The following ATXN2 variants were observed in gnomAD, a reference collection of about 807,000 sequenced individuals.
ATXN2 encodes ataxin-2.
ATXN2 carries 37 observed loss-of-function variants against 138.6 expected under a neutral mutation model. The ratio of observed to expected loss-of-function variants is 0.27; its 90% CI spans 0.21 to 0.35. The LOEUF (loss-of-function observed/expected upper bound fraction) is 0.35. Among genes scored for constraint, ATXN2 ranks in the 10% least tolerant of loss-of-function variants. The pLI is 1.00. For missense variants in ATXN2, 1,216 were observed against 1,480.3 expected (o/e 0.82, Z 2.93); for synonymous variants, 549 against 543.7 (o/e 1.01, Z -0.13).
chr12:111,517,565 C>T (rs140980941), intron 9 of ATXN2, among the ~76,000 whole-genome samples: 1 of 152,022 alleles, frequency 6.6e-6, no homozygotes, highest in Non-Finnish European at 1.5e-5. Flanking sequence ...GTTCAGTATC[C>T]CTGATTTATG....
intron 1 of ATXN2, among the ~76,000 whole-genome samples, chr12:111,566,356 C>A (rs1351232326): frequency 6.7e-6 from 1 of 149,744 alleles, no homozygotes; most frequent in Non-Finnish European, 1.5e-5. Flanking sequence ...TGCTTGAACC[C>A]GGGAGGCGGA....
At position 111,598,517 on chromosome 12, in the gene ATXN2, G is replaced by T. The variant is rs934552253; in HGVS notation, c.251+267C>A. 1.0e-6 allele frequency: 1 copy of T among 985,312 alleles called. No homozygotes were observed. The allele number at this position is 985,312 out of a possible 1,614,324, so 61.0% of individuals were successfully genotyped here. A position where few individuals can be genotyped will look rare whatever the true frequency, so the allele number is the denominator to read the frequency against. ...ACCCCTCCCAACACGCGTGGGGAGG[G>T]GAGGCCGCCCGCTCCCTCCATCTTG... is the stretch of plus-strand genomic sequence containing the variant. On this transcript the variant is annotated intron_variant, in intron 1 of 24. Coordinates refer to ENST00000673436, the MANE Select transcript of ATXN2 (RefSeq NM_001372574.1). The surrounding 1 kb of genome is among the most constrained non-coding windows in gnomAD (Gnocchi z 4.5).
intron 5 of ATXN2, among the ~76,000 whole-genome samples, chr12:111,535,984 A>G (rs1881145836): frequency 6.9e-6 from 1 of 145,870 alleles, no homozygotes; most frequent in African/African-American, 2.7e-5. Flanking sequence ...TGGGCGACAG[A>G]GCGAGACTCC....
chr12:111,593,600 A>G (rs1884786989), intron 1 of ATXN2, among the ~76,000 whole-genome samples: 1 of 148,464 alleles, frequency 6.7e-6, no homozygotes, highest in African/African-American at 2.6e-5. Context: ...ACAGGCTTAC[A>G]TTTTTCTCTT....
chr12:111,579,782 T>A (rs1460003076), intron 1 of ATXN2, among the ~76,000 whole-genome samples: 1 of 149,088 alleles, frequency 6.7e-6, no homozygotes, highest in Non-Finnish European at 1.5e-5. Context: ...CACTGCAACC[T>A]CCTCCTCCTG....
chr12:111,473,282 T>TAAA (rs530808822), intron 18 of ATXN2, among the ~76,000 whole-genome samples: 2 of 131,934 alleles, frequency 1.5e-5, no homozygotes, highest in African/African-American at 2.8e-5. Context: ...TCCAAAAAAT[T>TAAA]AAAAAAAAAA....
chr12:111,548,867 A>G (rs1881976594), intron 5 of ATXN2, among the ~76,000 whole-genome samples: 1 of 152,164 alleles, frequency 6.6e-6, no homozygotes, highest in Admixed American at 6.6e-5. Flanking sequence ...GATTATAGAC[A>G]TGTGCCATCA....
At chr12:111,495,783 TAC>T (rs1878385365) in intron 14 of ATXN2, among the ~76,000 whole-genome samples, 1 of 152,136 alleles carries the variant, frequency 6.6e-6, no homozygotes, top group Non-Finnish European at 1.5e-5. Flanking sequence ...AGCTATAGAA[TAC>T]ACATTCTTCT....
intron 1 of ATXN2, among the ~76,000 whole-genome samples, chr12:111,563,149 A>C (rs957896907): frequency 1.3e-5 from 2 of 152,220 alleles, no homozygotes; most frequent in Non-Finnish European, 2.9e-5. Context: ...AATAACCTGT[A>C]ATCTTCAAAA....
chr12:111,578,376 T>C (rs1883798503), intron 1 of ATXN2, among the ~76,000 whole-genome samples: 1 of 152,170 alleles, frequency 6.6e-6, no homozygotes, highest in African/African-American at 2.4e-5. Flanking sequence ...TATTCAGATA[T>C]ACCACTTTTA....
chr12:111,588,991 C>CA (rs58116265), intron 1 of ATXN2, among the ~76,000 whole-genome samples: 909 of 38,676 alleles, frequency 0.024, 165 homozygotes, highest in African/African-American at 0.028. Context: ...CGAGATTTCT[C>CA]AAAAAAAAAA....
intron 21 of ATXN2, 127 bp from the exon 22 acceptor site, chr12:111,457,486 T>G: frequency 9.6e-7 from 1 of 1,045,928 alleles, no homozygotes; most frequent in Non-Finnish European, 1.3e-6. Flanking sequence ...CCAATTTCTA[T>G]AGATGACTCC....
At chr12:111,507,107 G>A (rs760259723) in intron 14 of ATXN2, among the ~76,000 whole-genome samples, 85 of 150,828 alleles carry the variant, frequency 5.6e-4, no homozygotes, top group Middle Eastern at 3.4e-3. Flanking sequence ...AGTGAGGAGC[G>A]TCTCTGCCTG....
chr12:111,582,029 G>A (rs1884033914), intron 1 of ATXN2, among the ~76,000 whole-genome samples: 2 of 151,672 alleles, frequency 1.3e-5, no homozygotes, highest in Admixed American at 1.3e-4. Context: ...TATGTGCCAA[G>A]AACAGAACAT....
At chr12:111,562,183 C>T (rs1329288552) in intron 1 of ATXN2, among the ~76,000 whole-genome samples, 1 of 151,694 alleles carries the variant, frequency 6.6e-6, no homozygotes, top group African/African-American at 2.4e-5. Context: ...CCTGTAATGC[C>T]AACTAATCCA....
intron 1 of ATXN2, among the ~76,000 whole-genome samples, chr12:111,586,743 A>C (rs1389097564): frequency 6.6e-6 from 1 of 151,374 alleles, no homozygotes; most frequent in East Asian, 1.9e-4. Context: ...CTGGTCTCGA[A>C]CTCCTGACCT....
chr12:111,535,785 G>T (rs1206113354), intron 5 of ATXN2, among the ~76,000 whole-genome samples: 1 of 151,996 alleles, frequency 6.6e-6, no homozygotes, highest in African/African-American at 2.4e-5. Context: ...CGGATCACGA[G>T]GTCAGGAGAT....
intron 10 of ATXN2, among the ~76,000 whole-genome samples, chr12:111,515,444 A>G (rs1477862509): frequency 6.6e-6 from 1 of 152,224 alleles, no homozygotes; most frequent in Non-Finnish European, 1.5e-5. Context: ...TGATGGATTT[A>G]GCGCCAAATA....
chr12:111,533,090 C>G (rs1463967517), intron 5 of ATXN2, among the ~76,000 whole-genome samples: 1 of 152,158 alleles, frequency 6.6e-6, no homozygotes, highest in Non-Finnish European at 1.5e-5. Flanking sequence ...GAAAAGCATT[C>G]TGGAAGAGAA....
Sources: gnomAD v4.1 joint callset for allele counts (sites outside exome capture counted in the v4.1 genomes callset) on GRCh38, gnomAD v4.1.1 for gene constraint, Gnocchi (gnomAD v3.1) non-coding constraint, MANE v1.5 for transcripts, NCBI Gene and HGNC (gene_info 2026-07-23, HGNC 2026-07-21) for gene names.